The following SLC9B1 variants were observed in gnomAD, a reference collection of about 807,000 sequenced individuals.
The protein encoded by SLC9B1 is solute carrier family 9 member B1, also known as sodium/hydrogen exchanger 9B1.
A neutral mutation model predicts 51.7 loss-of-function variants in SLC9B1; 32 were observed. The ratio of observed to expected loss-of-function variants is 0.62; its 90% CI spans 0.47 to 0.83. SLC9B1 has a LOEUF of 0.83. Among genes scored for constraint, SLC9B1 ranks in the 40% least tolerant of loss-of-function variants. The pLI, the probability that SLC9B1 is intolerant of heterozygous loss-of-function variation, is 0.00. For synonymous variants in SLC9B1, 145 were observed against 212.7 expected (o/e 0.68, Z 2.77); for missense variants, 406 against 613.2 (o/e 0.66, Z 3.57).
At chr4:102,918,642 T>G (rs1244650001) in intron 7 of SLC9B1, among the ~76,000 whole-genome samples, 2 of 152,214 alleles carry the variant, frequency 1.3e-5, no homozygotes, top group Admixed American at 1.3e-4. Context: ...GAAATGGGAC[T>G]AGGGCCTTTA....
intron 7 of SLC9B1, among the ~76,000 whole-genome samples, chr4:102,925,493 T>C (rs1210057083): frequency 6.6e-6 from 1 of 152,082 alleles, no homozygotes; most frequent in East Asian, 1.9e-4. Context: ...ATGGCACATG[T>C]ATGCATATGT....
chr4:103,002,699 GATTATGCCAAT>G (rs1238824393), intron 1 of SLC9B1, among the ~76,000 whole-genome samples: 10 of 152,220 alleles, frequency 6.6e-5, no homozygotes, highest in Admixed American at 2.0e-4. Context: ...GACCCTTGGG[GATTATGCCAAT>G]AATGCTATTC....
intron 1 of SLC9B1, among the ~76,000 whole-genome samples, chr4:103,005,091 T>C (rs897827903): frequency 1.3e-5 from 2 of 152,078 alleles, no homozygotes; most frequent in African/African-American, 2.4e-5. Flanking sequence ...TATATCAAAG[T>C]ATCAACTTTG....
chr4:102,954,896 T>C (rs529060207), intron 3 of SLC9B1, among the ~76,000 whole-genome samples: 7 of 152,228 alleles, frequency 4.6e-5, no homozygotes, highest in African/African-American at 1.7e-4. Context: ...GTTGGCAATT[T>C]ATTTCCACAC....
chr4:102,902,732 A>T (rs1237718174), intron 11 of SLC9B1, among the ~76,000 whole-genome samples: 1 of 152,138 alleles, frequency 6.6e-6, no homozygotes, highest in Non-Finnish European at 1.5e-5. Flanking sequence ...ATTTCCTCCT[A>T]GTGACTGAGA....
chr4:102,985,017 A>G (rs567012337), intron 3 of SLC9B1, among the ~76,000 whole-genome samples: 2 of 152,294 alleles, frequency 1.3e-5, no homozygotes, highest in South Asian at 4.1e-4. Flanking sequence ...GTTAGGCACA[A>G]ATACATTAAG....
chr4:102,913,816 A>AAAAAAAAAAAAAAAAAAC (rs1735461072), intron 7 of SLC9B1, among the ~76,000 whole-genome samples: 1 of 150,066 alleles, frequency 6.7e-6, no homozygotes. Context: ...AAAAAAAAAA[A>AAAAAAAAAAAAAAAAAAC]AGGAACCATA....
At chr4:102,928,737 T>C (rs2110454817) in intron 7 of SLC9B1, among the ~76,000 whole-genome samples, 1 of 152,132 alleles carries the variant, frequency 6.6e-6, no homozygotes, top group South Asian at 2.1e-4. Flanking sequence ...CGTCTGCAAG[T>C]TGAGGGGCAA....
intron 3 of SLC9B1, chr4:102,963,038 T>G (rs1738222354): frequency 2.2e-6 from 1 of 451,696 alleles, no homozygotes; most frequent in African/African-American, 2.0e-5. Context: ...AATGTTGTTC[T>G]TTCAAGGGGT....
chr4:102,997,842 G>A (rs1457272222), intron 1 of SLC9B1, among the ~76,000 whole-genome samples: 1 of 152,052 alleles, frequency 6.6e-6, no homozygotes, highest in Non-Finnish European at 1.5e-5. Flanking sequence ...ATAGGTTAGA[G>A]TTTATTTTCT....
chr4:102,921,401 C>T (rs1282786555), intron 7 of SLC9B1, among the ~76,000 whole-genome samples: 3 of 152,142 alleles, frequency 2.0e-5, no homozygotes, highest in Admixed American at 6.5e-5. Context: ...TACAAGAGCT[C>T]CTGAAGGAAG....
chr4:102,980,801 C>T (rs532888481), intron 3 of SLC9B1, among the ~76,000 whole-genome samples: 79 of 152,216 alleles, frequency 5.2e-4, no homozygotes, highest in African/African-American at 1.8e-3. Flanking sequence ...ACATTCCACA[C>T]CAGAGTGGTC....
chr4:102,989,856 T>C lies in SLC9B1; in HGVS notation c.155A>G (p.Lys52Arg), dbSNP rs748716695. 3 of 1,603,410 alleles carry C rather than the reference T, an allele frequency of 1.9e-6. No homozygotes were observed. The highest frequency in any genetic ancestry group is 1.7e-5 in the Admixed American group (1 of 59,208). Reference protein sequence around the residue: ...DTEEIKPQTKKETYISCPLRG... With the variant: ...DTEEIKPQTKRETYISCPLRG... ...TAGAGGACAAGAAATGTATGTCTCC[T>C]TTTTTGTCTGTGGTTTTATTTCTTC... The change falls in exon 3 of 12, where the codon AAG becomes AGG. Residue 52 changes from lysine (K) to arginine (R), a missense_variant. By Grantham distance (26) the Lys-to-Arg change is conservative. Coordinates refer to ENST00000296422, the MANE Select transcript of SLC9B1 (RefSeq NM_139173.4).
intron 3 of SLC9B1, among the ~76,000 whole-genome samples, chr4:102,977,434 T>C (rs1246920968): frequency 2.6e-5 from 4 of 152,110 alleles, no homozygotes; most frequent in African/African-American, 9.7e-5. Flanking sequence ...TCTGGTTAAA[T>C]AATTTATTAT....
chr4:102,961,465 T>G (rs1251985231), intron 3 of SLC9B1, among the ~76,000 whole-genome samples: 1 of 152,306 alleles, frequency 6.6e-6, no homozygotes. Flanking sequence ...CTGTACTTTG[T>G]GCATTCTGCT....
chr4:102,923,965 A>C (rs960498707), intron 7 of SLC9B1, among the ~76,000 whole-genome samples: 2 of 152,262 alleles, frequency 1.3e-5, no homozygotes, highest in African/African-American at 2.4e-5. Flanking sequence ...CAATATTGTG[A>C]AAATGGCCAT....
At chr4:102,904,879 A>G (rs9760180) in intron 11 of SLC9B1, among the ~76,000 whole-genome samples, 88,726 of 151,558 alleles carry the variant, frequency 0.59, 27,497 homozygotes, top group African/African-American at 0.81. Flanking sequence ...AGCTACTCAG[A>G]AGGCTGAGGC....
chr4:102,985,764 A>G (rs942630785), intron 3 of SLC9B1, among the ~76,000 whole-genome samples: 1 of 152,112 alleles, frequency 6.6e-6, no homozygotes, highest in African/African-American at 2.4e-5. Flanking sequence ...ACCTCAAGTG[A>G]TCCACCCACC....
chr4:102,951,469 T>C (rs1327076772), intron 3 of SLC9B1, among the ~76,000 whole-genome samples: 20 of 152,068 alleles, frequency 1.3e-4, no homozygotes, highest in Non-Finnish European at 2.8e-4. Flanking sequence ...AAAATATGTA[T>C]TTTCAAAGGG....
Sources: gnomAD v4.1 joint callset for allele counts (sites outside exome capture counted in the v4.1 genomes callset) on GRCh38, gnomAD v4.1.1 for gene constraint, MANE v1.5 for transcripts, NCBI Gene and HGNC (gene_info 2026-07-23, HGNC 2026-07-21) for gene names.